STT3B: variants seen among roughly 807,000 people sequenced by gnomAD.
STT3B encodes the protein dolichyl-diphosphooligosaccharide--protein glycosyltransferase subunit STT3B.
In STT3B, 29 loss-of-function variants were observed where a neutral mutation model predicts 96.8. The ratio of observed to expected loss-of-function variants is 0.30; its 90% CI spans 0.22 to 0.41. STT3B has a LOEUF of 0.41. Ranked by LOEUF, STT3B falls within the 10% of genes least tolerant of loss-of-function variation. The pLI is 1.00. For synonymous variants in STT3B, 367 were observed against 360.0 expected (o/e 1.02, Z -0.22); for missense variants, 640 against 1,022.3 (o/e 0.63, Z 5.10).
chr3:31,561,568 C>G (rs1034103335), intron 1 of STT3B, among the ~76,000 whole-genome samples: 1 of 152,110 alleles, frequency 6.6e-6, no homozygotes, highest in African/African-American at 2.4e-5. Context: ...ACCTCCCCAC[C>G]AAACCCCCAA....
intron 1 of STT3B, 80 bp downstream of exon 1, chr3:31,533,392 C>G: frequency 7.5e-7 from 1 of 1,337,734 alleles, no homozygotes; most frequent in South Asian, 1.8e-5. Flanking sequence ...CAGCTCTCCT[C>G]GACTTGGCCC....
At chr3:31,601,656 T>C (rs1698930852) in intron 5 of STT3B, among the ~76,000 whole-genome samples, 1 of 152,116 alleles carries the variant, frequency 6.6e-6, no homozygotes, top group Non-Finnish European at 1.5e-5. Flanking sequence ...TGGGGTCTCT[T>C]TCAAGGATGA....
intron 1 of STT3B, among the ~76,000 whole-genome samples, chr3:31,541,811 C>G (rs569813905): frequency 1.3e-5 from 2 of 152,170 alleles, no homozygotes; most frequent in South Asian, 4.2e-4. Context: ...CTCCTGACCT[C>G]GTGATGCACC....
intron 3 of STT3B, among the ~76,000 whole-genome samples, chr3:31,580,766 G>C (rs887028043): frequency 6.6e-6 from 1 of 152,164 alleles, no homozygotes; most frequent in South Asian, 2.1e-4. Flanking sequence ...TTCTGGAGGA[G>C]AAGGTTGCAA....
At chr3:31,569,220 G>T (rs949801706) in intron 1 of STT3B, among the ~76,000 whole-genome samples, 2 of 152,014 alleles carry the variant, frequency 1.3e-5, no homozygotes, top group East Asian at 3.9e-4. Flanking sequence ...TCGAACTCCT[G>T]GGCTCAAGCA....
chr3:31,564,232 C>T (rs961392764), intron 1 of STT3B, among the ~76,000 whole-genome samples: 4 of 152,138 alleles, frequency 2.6e-5, no homozygotes, highest in Admixed American at 6.5e-5. Flanking sequence ...TCACTTTGCT[C>T]GGGCGACAGT....
intron 3 of STT3B, among the ~76,000 whole-genome samples, chr3:31,581,169 A>G (rs1171756108): frequency 1.3e-5 from 2 of 152,148 alleles, no homozygotes; most frequent in African/African-American, 2.4e-5. Context: ...GTTTATAAAG[A>G]AAGTATAAAA....
chr3:31,581,599 G>A (rs572568737), intron 3 of STT3B, among the ~76,000 whole-genome samples: 1 of 152,222 alleles, frequency 6.6e-6, no homozygotes, highest in South Asian at 2.1e-4. Flanking sequence ...TGGTTTGCTA[G>A]TATTTTCCTA....
chr3:31,618,422 C>T (rs1575444162), intron 8 of STT3B, among the ~76,000 whole-genome samples: 2 of 148,772 alleles, frequency 1.3e-5, no homozygotes, highest in Non-Finnish European at 3.0e-5. Flanking sequence ...TTTTTTAAAT[C>T]TGTGAAACAC....
intron 5 of STT3B, among the ~76,000 whole-genome samples, chr3:31,607,040 C>T (rs1699068911): frequency 6.6e-6 from 1 of 152,158 alleles, no homozygotes; most frequent in Admixed American, 6.5e-5. Flanking sequence ...TTGCATGGGA[C>T]CTTCAGCGCC....
intron 3 of STT3B, among the ~76,000 whole-genome samples, chr3:31,592,081 TGCAAAACTGAAACTA>T (rs1698676717): frequency 6.6e-6 from 1 of 152,160 alleles, no homozygotes; most frequent in African/African-American, 2.4e-5. Context: ...CTCTTTATTT[TGCAAAACTGAAACTA>T]TACCCATTAA....
intron 11 of STT3B, among the ~76,000 whole-genome samples, chr3:31,624,129 G>A (rs1699483440): frequency 6.6e-6 from 1 of 151,980 alleles, no homozygotes; most frequent in African/African-American, 2.4e-5. Context: ...AGTTACAAAC[G>A]ATCAAGTTAC....
At chr3:31,552,291 G>A (rs1432480335) in intron 1 of STT3B, among the ~76,000 whole-genome samples, 1 of 152,146 alleles carries the variant, frequency 6.6e-6, no homozygotes, top group Non-Finnish European at 1.5e-5. Context: ...AATATTGATT[G>A]AATACCTCTT....
chr3:31,617,150 A>C, intron 7 of STT3B, 75 bp downstream of exon 7: 1 of 1,207,338 alleles, frequency 8.3e-7, no homozygotes, highest in Non-Finnish European at 1.1e-6. Flanking sequence ...AGTTTCTAAA[A>C]TCTGAATAAC....
chr3:31,620,533 C>G (rs1699403774), intron 9 of STT3B, among the ~76,000 whole-genome samples: 1 of 152,106 alleles, frequency 6.6e-6, no homozygotes, highest in Non-Finnish European at 1.5e-5. Flanking sequence ...ATAAGGATCA[C>G]CTTTCACTAA....
chr3:31,567,938 A>G (rs756538875), intron 1 of STT3B, among the ~76,000 whole-genome samples: 2 of 152,086 alleles, frequency 1.3e-5, no homozygotes, highest in Non-Finnish European at 2.9e-5. Flanking sequence ...TTTCTTAAAT[A>G]CTAGATCTTA....
chr3:31,623,874 C>G lies in STT3B; in HGVS notation c.1727+13C>G, dbSNP rs767476893. 6 of 1,560,488 alleles carry G rather than the reference C, an allele frequency of 3.8e-6. No homozygotes were observed. The highest frequency in any genetic ancestry group is 5.2e-6 in the Non-Finnish European group (6 of 1,146,444). On this transcript the variant is annotated intron_variant, in intron 11 of 15. Coordinates refer to ENST00000295770, the MANE Select transcript of STT3B (RefSeq NM_178862.3). ...ACAATCATGATGGGTAAGAAAATAACTCGGATACAAAAACATTTTATACTT... is the reference window on the plus strand; with the variant it reads ...ACAATCATGATGGGTAAGAAAATAAGTCGGATACAAAAACATTTTATACTT...
intron 3 of STT3B, among the ~76,000 whole-genome samples, chr3:31,594,265 C>G (rs1698735801): frequency 6.6e-6 from 1 of 152,108 alleles, no homozygotes; most frequent in Non-Finnish European, 1.5e-5. Flanking sequence ...CTGGTGTCCT[C>G]CCTATCATTT....
intron 1 of STT3B, among the ~76,000 whole-genome samples, chr3:31,568,259 C>G (rs974579556): frequency 1.3e-5 from 2 of 152,100 alleles, no homozygotes; most frequent in Non-Finnish European, 2.9e-5. Context: ...ATTCATTCAT[C>G]TGATGATAGA....
Sources: gnomAD v4.1 joint callset for allele counts (sites outside exome capture counted in the v4.1 genomes callset) on GRCh38, gnomAD v4.1.1 for gene constraint, MANE v1.5 for transcripts, NCBI Gene and HGNC (gene_info 2026-07-23, HGNC 2026-07-21) for gene names.